The following PDE4D variants were observed in gnomAD, a reference collection of about 807,000 sequenced individuals.
The protein encoded by PDE4D is 3',5'-cyclic-AMP phosphodiesterase 4D.
In PDE4D, 24 loss-of-function variants were observed where a neutral mutation model predicts 87.4. The ratio of observed to expected loss-of-function variants is 0.27; its 90% confidence interval spans 0.20 to 0.39. The LOEUF (loss-of-function observed/expected upper bound fraction) is 0.39. Ranked by LOEUF, PDE4D falls within the 10% of genes least tolerant of loss-of-function variation. The pLI is 1.00. For missense variants in PDE4D, 714 were observed against 1,041.0 expected, an observed-to-expected ratio of 0.69 and a Z score of 4.32; for synonymous variants, 384 against 383.2, an observed-to-expected ratio of 1.00 and a Z score of -0.02.
intron 1 of PDE4D, among the ~76,000 whole-genome samples, chr5:60,400,154 A>G (rs774687425): frequency 3.1e-4 from 47 of 152,236 alleles, no homozygotes; most frequent in Non-Finnish European, 6.3e-4. Flanking sequence ...CCACTGCCTC[A>G]GAACCATACT....
At chr5:59,972,231 AGTGGAAGGCTAGGTCCTTTCT>A (rs1760857584) in intron 3 of PDE4D, among the ~76,000 whole-genome samples, 1 of 152,162 alleles carries the variant, frequency 6.6e-6, no homozygotes, top group Admixed American at 6.5e-5. Flanking sequence ...CTACTCCCCT[AGTGGAAGGCTAGGTCCTTTCT>A]CTCACCTATT....
chr5:60,048,674 A>G (rs1268042187), intron 2 of PDE4D, among the ~76,000 whole-genome samples: 1 of 150,208 alleles, frequency 6.7e-6, no homozygotes, highest in Non-Finnish European at 1.5e-5. Flanking sequence ...TCTTTTCTTT[A>G]AGAATGTTGA....
chr5:60,064,418 C>A (rs966574172), intron 2 of PDE4D, among the ~76,000 whole-genome samples: 36 of 152,068 alleles, frequency 2.4e-4, no homozygotes, highest in African/African-American at 8.0e-4. Flanking sequence ...GCATCTTATG[C>A]CTTTTTGTAT....
At chr5:59,403,931 G>A (rs1292532776) in intron 1 of PDE4D, among the ~76,000 whole-genome samples, 1 of 152,190 alleles carries the variant, frequency 6.6e-6, no homozygotes, top group East Asian at 1.9e-4. Context: ...AAGTGTAGGA[G>A]TGTTCTCTTT....
intron 5 of PDE4D, among the ~76,000 whole-genome samples, chr5:59,069,248 A>G (rs1764378613): frequency 2.0e-5 from 3 of 152,166 alleles, no homozygotes; most frequent in South Asian, 2.1e-4. Flanking sequence ...CTCTTTTACA[A>G]TGAGTTGTCA....
chr5:60,240,585 G>T (rs1034554214), intron 1 of PDE4D, among the ~76,000 whole-genome samples: 1 of 152,122 alleles, frequency 6.6e-6, no homozygotes, highest in South Asian at 2.1e-4. Context: ...ACAAGACCCA[G>T]TGCTATGCTG....
At chr5:60,401,688 T>C (rs145359150) in intron 1 of PDE4D, among the ~76,000 whole-genome samples, 1 of 152,328 alleles carries the variant, frequency 6.6e-6, no homozygotes, top group Non-Finnish European at 1.5e-5. Flanking sequence ...GGCTAATTCT[T>C]CATCTTAATA....
chr5:59,892,896 C>CCACACA (rs70975348), intron 1 of PDE4D, among the ~76,000 whole-genome samples: 1,968 of 143,942 alleles, frequency 0.014, 19 homozygotes, highest in South Asian at 0.019. Context: ...AGCGCGCGCA[C>CCACACA]CACACACACA....
At chr5:60,213,285 T>C (rs1369876282) in intron 1 of PDE4D, among the ~76,000 whole-genome samples, 1 of 152,210 alleles carries the variant, frequency 6.6e-6, no homozygotes, top group East Asian at 1.9e-4. Flanking sequence ...TGGTTATTGT[T>C]GCTGGCAAAT....
intron 1 of PDE4D, among the ~76,000 whole-genome samples, chr5:60,197,936 G>T (rs1311964654): frequency 6.6e-6 from 1 of 151,074 alleles, no homozygotes; most frequent in Non-Finnish European, 1.5e-5. Flanking sequence ...AACTGTACAT[G>T]CCCCTTAGTT....
chr5:60,079,311 A>AG (rs146249770), intron 2 of PDE4D, among the ~76,000 whole-genome samples: 51,421 of 151,882 alleles, frequency 0.34, 9,343 homozygotes, highest in East Asian at 0.79. Context: ...GATAGGAAAA[A>AG]TTTTCTCCCA....
At chr5:59,716,529 G>A (rs985695444) in intron 1 of PDE4D, among the ~76,000 whole-genome samples, 3 of 152,194 alleles carry the variant, frequency 2.0e-5, no homozygotes, top group Admixed American at 2.0e-4. Flanking sequence ...GAGGAATTGA[G>A]CATCGTATAG....
chr5:59,326,198 T>C (rs902067634), intron 1 of PDE4D, among the ~76,000 whole-genome samples: 1 of 151,834 alleles, frequency 6.6e-6, no homozygotes, highest in South Asian at 2.1e-4. Context: ...AGCACACCAA[T>C]ATGGCACATG....
chr5:59,843,575 T>C (rs905249012), intron 1 of PDE4D, among the ~76,000 whole-genome samples: 1 of 152,082 alleles, frequency 6.6e-6, no homozygotes, highest in Non-Finnish European at 1.5e-5. Flanking sequence ...TAAGTTCCCA[T>C]CTGGTTCTCA....
intron 1 of PDE4D, among the ~76,000 whole-genome samples, chr5:59,377,101 T>C (rs1248361572): frequency 6.6e-6 from 1 of 152,020 alleles, no homozygotes; most frequent in African/African-American, 2.4e-5. Flanking sequence ...GGCAATACCA[T>C]CTTGGACACA....
At chr5:59,090,544 G>C (rs1395802295) in intron 5 of PDE4D, among the ~76,000 whole-genome samples, 1 of 152,032 alleles carries the variant, frequency 6.6e-6, no homozygotes, top group Non-Finnish European at 1.5e-5. Flanking sequence ...ATCATACACA[G>C]ACATACTGGC....
chr5:59,226,654 T>C (rs1753837398), intron 1 of PDE4D, among the ~76,000 whole-genome samples: 1 of 148,802 alleles, frequency 6.7e-6, no homozygotes, highest in South Asian at 2.1e-4. Context: ...TCTTTGTTTT[T>C]AGCACAATAA....
At chr5:59,846,885 T>G (rs1324191680) in intron 1 of PDE4D, among the ~76,000 whole-genome samples, 2 of 152,020 alleles carry the variant, frequency 1.3e-5, no homozygotes, top group African/African-American at 4.8e-5. Context: ...AAACATGAAT[T>G]TTTGTGTAAA....
intron 1 of PDE4D, among the ~76,000 whole-genome samples, chr5:60,342,915 C>T (rs1758427040): frequency 6.6e-6 from 1 of 152,108 alleles, no homozygotes; most frequent in African/African-American, 2.4e-5. Flanking sequence ...AAATAGGCAA[C>T]TATGTGATTA....
Sources: gnomAD v4.1 joint callset for allele counts (sites outside exome capture counted in the v4.1 genomes callset) on GRCh38, gnomAD v4.1.1 for gene constraint, MANE v1.5 for transcripts, NCBI Gene and HGNC (gene_info 2026-07-23, HGNC 2026-07-21) for gene names.